HHLA1: variants seen among roughly 807,000 people sequenced by gnomAD.
HHLA1 encodes HERV-H LTR-associating protein 1.
HHLA1 carries 72 observed loss-of-function variants against 69.9 expected under a neutral mutation model. The ratio of observed to expected loss-of-function variants is 1.03; its 90% CI spans 0.85 to 1.25. The LOEUF is 1.25. Among genes scored for constraint, HHLA1 ranks in the 50% most tolerant of loss-of-function variants. HHLA1 has a pLI of 0.00. For synonymous variants in HHLA1, 252 were observed against 233.2 expected, an observed-to-expected ratio of 1.08 and a Z score of -0.73; for missense variants, 685 against 642.2, an observed-to-expected ratio of 1.07 and a Z score of -0.72.
rs143128121 is a variant in HHLA1 at position 132,072,097 on chromosome 8, C to T, written c.1316-604G>A. ...TGGGTCACTGGAGAGTCAGGCTCTG[C>T]GTTTGTGAGTTCTGTGTTTCCATCA... On this transcript the variant is annotated intron_variant, in intron 14 of 16. Transcript: ENST00000414222. Among the ~76,000 whole-genome samples, 219 of 152,152 alleles carry T rather than the reference C, an allele frequency of 1.4e-3. 2 individuals carry two copies. The highest frequency in any genetic ancestry group is 0.012 in the Admixed American group (185 of 15,282).
intron 15 of HHLA1, among the ~76,000 whole-genome samples, chr8:132,070,668 C>A (rs1586723694): frequency 6.6e-6 from 1 of 151,940 alleles, no homozygotes; most frequent in African/African-American, 2.4e-5. Flanking sequence ...CATCTCATCA[C>A]GGCTAAACTC....
chr8:132,062,379 C>T lies in HHLA1; in HGVS notation c.*1616G>A, dbSNP rs1434824604. The T allele has an allele frequency of 1.3e-5, 2 of 152,224 alleles. No individual in the cohort carries two copies. The highest frequency in any genetic ancestry group is 6.5e-5 in the Admixed American group (1 of 15,286). 9.4% of individuals were successfully genotyped at this position (152,224 alleles called of 1,614,324 possible). A position where few individuals can be genotyped will look rare whatever the true frequency, so the allele number is the denominator to read the frequency against. On this transcript the variant is annotated 3_prime_UTR_variant, in exon 17 of 17. Coordinates refer to ENST00000414222, the MANE Select transcript of HHLA1 (RefSeq NM_001145095.3). ...TGTCCAAGTTCTACCTCCCCAGGCA[C>T]CTTGTGGTTCACAGGAGTGCCAGGG...
At chr8:132,070,705 A>G (rs577016757) in intron 15 of HHLA1, among the ~76,000 whole-genome samples, 1 of 151,522 alleles carries the variant, frequency 6.6e-6, no homozygotes, top group Non-Finnish European at 1.5e-5. Flanking sequence ...ACTCATCTCA[A>G]CTCAACACAA....
In HHLA1 at chr8:132,071,554, G is replaced by A. The variant is rs11986032; in HGVS notation, c.1316-61C>T. ...AGAGTTTAGTAAGCATCTTCTCTTC[G>A]TTAAGCCCTGCATCAGGTGAATATA... On this transcript the variant is annotated intron_variant, in intron 14 of 16. Coordinates refer to ENST00000414222, the MANE Select transcript of HHLA1 (RefSeq NM_001145095.3). The A allele has an allele frequency of 8.0e-3, 11,786 of 1,471,212 alleles. 745 individuals are homozygous for A. The African/African-American group carries it at 0.14, about 17-fold the overall frequency. The allele number at this position is 1,471,212 out of a possible 1,614,324, so 91.1% of individuals were successfully genotyped here. A position where few individuals can be genotyped will look rare whatever the true frequency, so the allele number is the denominator to read the frequency against.
chr8:132,110,752 G>T (rs2403734), intron 1 of HHLA1, among the ~76,000 whole-genome samples: 119,642 of 152,102 alleles, frequency 0.79, 47,764 homozygotes, highest in Middle Eastern at 0.94. Flanking sequence ...ATTTTTTAGC[G>T]CACTCTTTTA....
intron 8 of HHLA1, 74 bp downstream of exon 8, chr8:132,089,442 A>G (rs1198834302): frequency 7.3e-6 from 6 of 817,836 alleles, no homozygotes; most frequent in Non-Finnish European, 1.3e-5. Flanking sequence ...GGTGAGGAAC[A>G]TAATATGCTT....
chr8:132,083,088 G>C (rs867817631), intron 10 of HHLA1, among the ~76,000 whole-genome samples: 11 of 151,036 alleles, frequency 7.3e-5, no homozygotes, highest in African/African-American at 2.4e-5. Context: ...GGTTAAGGTG[G>C]GGGGGATACA....
At chr8:132,103,038 G>T (rs999280106) in intron 3 of HHLA1, among the ~76,000 whole-genome samples, 20 of 152,106 alleles carry the variant, frequency 1.3e-4, no homozygotes, top group Non-Finnish European at 8.8e-5. Context: ...AAAATAGAAG[G>T]TTCCTGGCAT....
chr8:132,095,381 A>T, intron 7 of HHLA1, 138 bp downstream of exon 7: 1 of 525,984 alleles, frequency 1.9e-6, no homozygotes, highest in Admixed American at 3.6e-5. Flanking sequence ...TTTCACTGGG[A>T]TAATGAATGA....
chr8:132,088,543 T>G (rs1823898080), intron 8 of HHLA1, among the ~76,000 whole-genome samples: 1 of 152,102 alleles, frequency 6.6e-6, no homozygotes, highest in South Asian at 2.1e-4. Context: ...ACTGTGGACA[T>G]GGGGTTGCAT....
Position 132,095,568 on chromosome 8 carries a change from G to T in HHLA1, c.399C>A (p.Phe133Leu). The T allele has an allele frequency of 6.5e-7, 1 of 1,550,350 alleles. No homozygotes were observed. The highest frequency in any genetic ancestry group is 8.7e-7 in the Non-Finnish European group (1 of 1,145,664). ...TTAAACAGTAGCAATACCTTGTGGG[G>T]AATTTGGCGGGGTCTACTGTCTTCA... ...SNLKTVDPAK[F>L]PTRYCYCLNN... is the part of the protein sequence containing the mutation. Residue 133 changes from phenylalanine to leucine, a missense_variant, in exon 7 of 17, where the codon TTC (phenylalanine) becomes TTA (leucine). Coordinates refer to ENST00000414222, the MANE Select transcript of HHLA1 (RefSeq NM_001145095.3).
intron 7 of HHLA1, among the ~76,000 whole-genome samples, chr8:132,089,998 A>C (rs1340910625): frequency 6.6e-6 from 1 of 152,218 alleles, no homozygotes; most frequent in East Asian, 1.9e-4. Flanking sequence ...ATGTAAATTT[A>C]CAGACTTGGG....
rs900259980 is a variant in HHLA1 at position 132,095,748 on chromosome 8, A to G, written c.319T>C (p.Tyr107His). 7 of 1,551,362 alleles carry G rather than the reference A, an allele frequency of 4.5e-6. No homozygotes were observed. In the African/African-American group the frequency reaches 8.2e-5, roughly 18 times the overall value. ...AACTTGTGGAAGGCGAAGGAACTGT[A>G]GGAAGTGACACTCAGCAAGGAGAAG... The part of the protein sequence containing the change: ...KFFSLLSVTS[Y>H]SSFAFHKFSV... Residue 107 changes from tyrosine to histidine, a missense_variant, in exon 6 of 17, where the codon TAC (tyrosine) becomes CAC (histidine). Tyr to His is a moderately conservative substitution (Grantham distance 83). Coordinates refer to ENST00000414222, the MANE Select transcript of HHLA1 (RefSeq NM_001145095.3).
At chr8:132,106,942 G>C (rs1386861968) in intron 1 of HHLA1, among the ~76,000 whole-genome samples, 1 of 152,158 alleles carries the variant, frequency 6.6e-6, no homozygotes, top group Non-Finnish European at 1.5e-5. Context: ...TCTGAGCCTC[G>C]TGTGTAGAAT....
At chr8:132,072,868 A>C (rs1823571558) in intron 14 of HHLA1, among the ~76,000 whole-genome samples, 1 of 152,088 alleles carries the variant, frequency 6.6e-6, no homozygotes, top group Non-Finnish European at 1.5e-5. Context: ...ATGTAAATGA[A>C]TTTTGTCTGG....
At chr8:132,092,843 T>G (rs1823966691) in intron 7 of HHLA1, among the ~76,000 whole-genome samples, 1 of 152,202 alleles carries the variant, frequency 6.6e-6, no homozygotes, top group Admixed American at 6.5e-5. Flanking sequence ...GGAGTGTGAA[T>G]GTGCTGGCAA....
rs1207074744 is a variant in HHLA1, at chr8:132,063,836, A to G, written c.*159T>C. On this transcript the variant is annotated 3_prime_UTR_variant, in exon 17 of 17. Coordinates refer to ENST00000414222, the MANE Select transcript of HHLA1 (RefSeq NM_001145095.3). ...TTTTGCACAGATTCACAGGAGAGGGAAAAAAAATGCTACTTCCAAGAATAA... is the reference window on the plus strand; with the variant it reads ...TTTTGCACAGATTCACAGGAGAGGGGAAAAAAATGCTACTTCCAAGAATAA... 1.5e-5 allele frequency: 4 copies of G among 260,748 alleles called. No homozygotes were observed. Among genetic ancestry groups the G allele is most frequent in the South Asian group, 9.6e-5 (2 of 20,734 alleles). 16.2% of individuals were successfully genotyped at this position (260,748 alleles called of 1,614,324 possible). A position where few individuals can be genotyped will look rare whatever the true frequency, so the allele number is the denominator to read the frequency against.
At chr8:132,080,103 A>G (rs1425214172) in intron 10 of HHLA1, 137 bp from the exon 11 acceptor site, 16 of 1,217,222 alleles carry the variant, frequency 1.3e-5, no homozygotes, top group Non-Finnish European at 1.9e-5. Context: ...GGCATTTGCT[A>G]TGTTTCCTGA....
At chr8:132,070,243 G>T in intron 15 of HHLA1, 1 of 684,172 alleles carries the variant, frequency 1.5e-6, no homozygotes, top group Non-Finnish European at 2.7e-6. Context: ...AATCCCAGAA[G>T]AAATAACAGT....
Sources: allele counts gnomAD v4.1 joint callset (sites outside exome capture counted in the v4.1 genomes callset), GRCh38; gene constraint gnomAD v4.1.1; transcripts MANE v1.5; gene names NCBI Gene and HGNC (gene_info 2026-07-23, HGNC 2026-07-21).